Variants in CCDC7 observed in about 807,000 individuals in gnomAD.
The protein encoded by CCDC7 is coiled-coil domain containing 7, also known as coiled-coil domain-containing protein 7.
Under a neutral mutation model 196.9 loss-of-function variants are expected in CCDC7, and 183 were observed. The ratio of observed to expected loss-of-function variants is 0.93; its 90% CI spans 0.82 to 1.05. CCDC7 has a LOEUF of 1.05. CCDC7 is among the 50% of genes least tolerant of loss of function. The pLI is 0.00. For missense variants in CCDC7, 1,540 were observed against 1,482.2 expected (o/e 1.04, Z -0.64); for synonymous variants, 525 against 484.6 (o/e 1.08, Z -1.10).
intron 31 of CCDC7, among the ~76,000 whole-genome samples, chr10:32,816,481 G>A (rs947251076): frequency 1.3e-5 from 2 of 152,244 alleles, no homozygotes; most frequent in African/African-American, 4.8e-5. Context: ...CAGCTTTGAA[G>A]AGAGTAGTGG....
At chr10:32,854,263 A>G (rs2093669431) in intron 40 of CCDC7, 137 bp from the exon 42 acceptor site, 2 of 580,778 alleles carry the variant, frequency 3.4e-6, no homozygotes. Flanking sequence ...GTGTCAGGTA[A>G]GCTGCTTTAT....
chr10:32,805,245 C>A, intron 30 of CCDC7, 147 bp downstream of exon 31: 1 of 607,620 alleles, frequency 1.6e-6, no homozygotes, highest in East Asian at 2.8e-5. Flanking sequence ...TGGTTTTACT[C>A]TAGAACATAT....
At chr10:32,741,162 T>A (rs374476521) in intron 28 of CCDC7, among the ~76,000 whole-genome samples, 1 of 152,144 alleles carries the variant, frequency 6.6e-6, no homozygotes, top group East Asian at 1.9e-4. Context: ...CTCAATAAAT[T>A]ATTTTTTCCT....
chr10:32,791,615 A>G (rs2082709900), intron 29 of CCDC7, among the ~76,000 whole-genome samples: 1 of 151,566 alleles, frequency 6.6e-6, no homozygotes, highest in African/African-American at 2.4e-5. Flanking sequence ...ACAGCAGACT[A>G]GATCAAGCAG....
chr10:32,818,765 A>G (rs372411985), intron 31 of CCDC7, among the ~76,000 whole-genome samples: 67 of 152,358 alleles, frequency 4.4e-4, no homozygotes, highest in African/African-American at 1.4e-3. Context: ...TTTGAAACCA[A>G]TGAGAACAAA....
At chr10:32,750,122 G>T (rs2075429433) in intron 28 of CCDC7, among the ~76,000 whole-genome samples, 1 of 152,070 alleles carries the variant, frequency 6.6e-6, no homozygotes, top group African/African-American at 2.4e-5. Context: ...AATTTTTGAA[G>T]ATTTTAAGAA....
intron 28 of CCDC7, among the ~76,000 whole-genome samples, chr10:32,744,408 C>T (rs536341514): frequency 3.3e-4 from 50 of 150,640 alleles, no homozygotes; most frequent in Admixed American, 5.3e-4. Flanking sequence ...AAAGTGTCTT[C>T]CAGAGTGGCT....
chr10:32,525,020 A>G (rs2048437079), intron 11 of CCDC7, among the ~76,000 whole-genome samples: 4 of 150,856 alleles, frequency 2.7e-5, no homozygotes, highest in African/African-American at 9.7e-5. Flanking sequence ...TGCCCTCATG[A>G]GGCTGTTTTC....
intron 28 of CCDC7, among the ~76,000 whole-genome samples, chr10:32,764,534 A>G (rs1011223026): frequency 6.6e-6 from 1 of 151,950 alleles, no homozygotes; most frequent in Admixed American, 6.6e-5. Context: ...TTGGCTGAAA[A>G]TGGACCAAAA....
At chr10:32,728,369 A>T (rs2083428706) in intron 26 of CCDC7, among the ~76,000 whole-genome samples, 2 of 152,156 alleles carry the variant, frequency 1.3e-5, no homozygotes, top group African/African-American at 2.4e-5. Context: ...AACAGCAGTC[A>T]TTGGGTGCAA....
chr10:32,865,779 T>G (rs935296976), intron 41 of CCDC7, among the ~76,000 whole-genome samples: 1 of 151,902 alleles, frequency 6.6e-6, no homozygotes, highest in Non-Finnish European at 1.5e-5. Context: ...TGTTTGGTTT[T>G]CATCACTGTA....
intron 28 of CCDC7, among the ~76,000 whole-genome samples, chr10:32,731,422 T>A (rs2083945608): frequency 6.6e-6 from 1 of 152,144 alleles, no homozygotes; most frequent in Non-Finnish European, 1.5e-5. Flanking sequence ...TGGATTTAAA[T>A]ATTTTGGGTG....
chr10:32,814,367 T>C lies in CCDC7; in HGVS notation c.3098-3T>C. 2 of 1,588,184 alleles carry C rather than the reference T, an allele frequency of 1.3e-6. No individual in the cohort carries two copies. Among genetic ancestry groups the C allele is most frequent in the Non-Finnish European group, 1.7e-6 (2 of 1,157,176 alleles). On this transcript the variant is annotated splice_region_variant and splice_polypyrimidine_tract_variant and intron_variant, in intron 30 of 41. Transcript: ENST00000639629. ...GTGTTTTGATACCTGTTTATTTCTA[T>C]AGGGCCTGATATAGAACAATTGACA...
intron 24 of CCDC7, among the ~76,000 whole-genome samples, chr10:32,699,800 G>A (rs1273875777): frequency 1.3e-5 from 2 of 149,468 alleles, no homozygotes; most frequent in Admixed American, 6.6e-5. Flanking sequence ...TTCTCTGATG[G>A]CCAGTGATGA....
At chr10:32,518,046 G>T in intron 10 of CCDC7, 71 bp downstream of exon 11, 2 of 1,479,716 alleles carry the variant, frequency 1.4e-6, no homozygotes, top group Non-Finnish European at 1.8e-6. Flanking sequence ...GAAATTGTCA[G>T]GATACATAAT....
intron 3 of CCDC7, among the ~76,000 whole-genome samples, chr10:32,460,340 T>G (rs1369369560): frequency 6.6e-6 from 1 of 152,184 alleles, no homozygotes; most frequent in African/African-American, 2.4e-5. Context: ...TCACAGTGGA[T>G]CAGTTTTTAT....
chr10:32,530,855 C>T (rs1487252307), intron 11 of CCDC7, among the ~76,000 whole-genome samples: 1 of 151,906 alleles, frequency 6.6e-6, no homozygotes, highest in Non-Finnish European at 1.5e-5. Flanking sequence ...GAGGAAAGAC[C>T]TTCAATTTTT....
intron 20 of CCDC7, among the ~76,000 whole-genome samples, chr10:32,662,704 C>T (rs1227348327): frequency 6.6e-6 from 1 of 152,090 alleles, no homozygotes; most frequent in East Asian, 1.9e-4. Flanking sequence ...ATACTGGTGT[C>T]TTGGCAGTAG....
At chr10:32,613,067 G>A (rs1251359078) in intron 18 of CCDC7, among the ~76,000 whole-genome samples, 1 of 151,952 alleles carries the variant, frequency 6.6e-6, no homozygotes, top group Non-Finnish European at 1.5e-5. Context: ...GTTTTTGGTT[G>A]GTAGGCTATT....
Sources: allele counts gnomAD v4.1 joint callset (sites outside exome capture counted in the v4.1 genomes callset), GRCh38; gene constraint gnomAD v4.1.1; transcripts MANE v1.5; gene names NCBI Gene and HGNC (gene_info 2026-07-23, HGNC 2026-07-21).